CTTNBP2NL: variants seen among roughly 807,000 people sequenced by gnomAD.
The protein encoded by CTTNBP2NL is CTTNBP2 N-terminal-like protein.
CTTNBP2NL carries 16 observed loss-of-function variants against 32.5 expected under a neutral mutation model. The observed-to-expected ratio is 0.49, with a 90% CI of 0.33 to 0.75. The LOEUF (loss-of-function observed/expected upper bound fraction) is 0.75. Ranked by LOEUF, CTTNBP2NL falls within the 30% of genes least tolerant of loss-of-function variation. The probability of loss-of-function intolerance (pLI) is 0.02; values close to 1 mark genes in which losing one functional copy is unlikely to be tolerated. For missense variants in CTTNBP2NL, 645 were observed against 756.0 expected, an observed-to-expected ratio of 0.85 and a Z score of 1.72; for synonymous variants, 298 against 289.4, an observed-to-expected ratio of 1.03 and a Z score of -0.30.
At chr1:112,424,883 C>T (rs1649345905) in intron 3 of CTTNBP2NL, among the ~76,000 whole-genome samples, 1 of 151,900 alleles carries the variant, frequency 6.6e-6, no homozygotes, top group African/African-American at 2.4e-5. Context: ...GTGGCATGAT[C>T]ATGGCTCACT....
upstream of CTTNBP2NL, among the ~76,000 whole-genome samples, chr1:112,394,730 C>T (rs1013249779): frequency 1.3e-5 from 2 of 152,200 alleles, no homozygotes; most frequent in Middle Eastern, 3.2e-3. Flanking sequence ...CCATCATCCA[C>T]GCCCATTCTT....
At chr1:112,455,560 A>G (rs1358783797) in intron 5 of CTTNBP2NL, among the ~76,000 whole-genome samples, 1 of 152,262 alleles carries the variant, frequency 6.6e-6, no homozygotes, top group Non-Finnish European at 1.5e-5. Context: ...CTGAGACCCA[A>G]GAAAATTATT....
In CTTNBP2NL at chr1:112,457,138, CACCTACTCCAGGGA is replaced by C. The variant is rs761529481; in HGVS notation, c.1648_1661del (p.Pro550SerfsTer21). On this transcript the variant is annotated frameshift_variant, in exon 6 of 6. Transcript: ENST00000271277. LOFTEE classifies it high-confidence loss of function. ...AATCCAAGAGGTGACACAAGCCATT[CACCTACTCCAGGGA>C]AAGTGTCCAGTCCCCTGAGCCCCCT... 1 of 1,614,060 alleles carries C rather than the reference CACCTACTCCAGGGA, an allele frequency of 6.2e-7. No individual in the cohort carries two copies. Among genetic ancestry groups the C allele is most frequent in the Non-Finnish European group, 8.5e-7 (1 of 1,180,040 alleles).
intron 3 of CTTNBP2NL, among the ~76,000 whole-genome samples, chr1:112,434,590 A>G (rs1407826514): frequency 6.6e-6 from 1 of 152,080 alleles, no homozygotes; most frequent in African/African-American, 2.4e-5. Context: ...CATTAGTATC[A>G]AGTTGATCTT....
intron 3 of CTTNBP2NL, among the ~76,000 whole-genome samples, chr1:112,416,536 T>G (rs1039159293): frequency 5.3e-5 from 8 of 151,372 alleles, no homozygotes; most frequent in African/African-American, 1.9e-4. Flanking sequence ...TGTCACTCTG[T>G]CGCCAGGCTG....
Position 112,455,949 on chromosome 1 carries a change from C to A in CTTNBP2NL, c.457C>A (p.Gln153Lys). Reference protein sequence around the residue: ...LTQQLEFEKSQVKKFEKEQKK... With the variant: ...LTQQLEFEKSKVKKFEKEQKK... ...TTTCTAGTTGGAATTTGAAAAATCC[C>A]AAGTGAAAAAGTTTGAAAAAGAACA... The change falls in exon 6 of 6, where the codon CAA (glutamine) becomes AAA (lysine). Residue 153 changes from glutamine to lysine, a missense_variant. Transcript: ENST00000271277. The A allele has an allele frequency of 1.3e-6, 2 of 1,577,100 alleles. No homozygotes were observed. The highest frequency in any genetic ancestry group is 2.2e-5 in the East Asian group (1 of 44,542).
chr1:112,413,409 A>T (rs1027943931), intron 2 of CTTNBP2NL, among the ~76,000 whole-genome samples: 1 of 152,206 alleles, frequency 6.6e-6, no homozygotes, highest in Non-Finnish European at 1.5e-5. Flanking sequence ...GTTACTAATA[A>T]TGAAACCAGG....
chr1:112,455,418 G>A (rs566163859), intron 5 of CTTNBP2NL, among the ~76,000 whole-genome samples: 11 of 152,220 alleles, frequency 7.2e-5, no homozygotes, highest in African/African-American at 1.4e-4. Context: ...CAGGAGAATC[G>A]CTTGAACCCA....
chr1:112,431,548 CTA>C (rs1350488614), intron 3 of CTTNBP2NL, among the ~76,000 whole-genome samples: 1 of 152,100 alleles, frequency 6.6e-6, no homozygotes. Context: ...AGTAATATAA[CTA>C]TTCTACAAAA....
At chr1:112,437,156 G>A (rs576843459) in intron 3 of CTTNBP2NL, among the ~76,000 whole-genome samples, 60 of 152,272 alleles carry the variant, frequency 3.9e-4, no homozygotes, top group Non-Finnish European at 7.1e-4. Flanking sequence ...TATATATTGA[G>A]TAATGGGATT....
At chr1:112,431,308 G>A (rs1570732805) in intron 3 of CTTNBP2NL, among the ~76,000 whole-genome samples, 1 of 152,128 alleles carries the variant, frequency 6.6e-6, no homozygotes, top group East Asian at 1.9e-4. Flanking sequence ...GATTAATCAG[G>A]GGTTATTTCT....
At chr1:112,444,548 G>C (rs1185466392) in intron 3 of CTTNBP2NL, among the ~76,000 whole-genome samples, 1 of 152,110 alleles carries the variant, frequency 6.6e-6, no homozygotes, top group Non-Finnish European at 1.5e-5. Context: ...TGTCTAACCA[G>C]CCAGTTATTT....
chr1:112,440,236 T>G (rs1649858481), intron 3 of CTTNBP2NL, among the ~76,000 whole-genome samples: 2 of 152,232 alleles, frequency 1.3e-5, no homozygotes, highest in South Asian at 4.1e-4. Flanking sequence ...AGAGATGTGT[T>G]GTGTTGTTTA....
intron 1 of CTTNBP2NL, among the ~76,000 whole-genome samples, chr1:112,398,001 A>T (rs1413217487): frequency 6.6e-6 from 1 of 152,256 alleles, no homozygotes; most frequent in Non-Finnish European, 1.5e-5. Flanking sequence ...AGTACAAAGA[A>T]GAAACTGGAG....
At chr1:112,423,953 C>T (rs1479239067) in intron 3 of CTTNBP2NL, among the ~76,000 whole-genome samples, 1 of 152,140 alleles carries the variant, frequency 6.6e-6, no homozygotes, top group Admixed American at 6.5e-5. Flanking sequence ...GGACTCCTGA[C>T]CTCAGGTGAC....
upstream of CTTNBP2NL, among the ~76,000 whole-genome samples, chr1:112,391,952 C>A (rs1648194301): frequency 6.6e-6 from 1 of 151,892 alleles, no homozygotes. Context: ...GATTGGGCCG[C>A]TGCACTCCAG....
chr1:112,404,128 A>G (rs1452500869), intron 1 of CTTNBP2NL, among the ~76,000 whole-genome samples: 1 of 152,242 alleles, frequency 6.6e-6, no homozygotes, highest in African/African-American at 2.4e-5. Context: ...TGGCAGAGCC[A>G]GGATGCAAAC....
At chr1:112,430,546 C>CATTTTTTT (rs1295463918) in intron 3 of CTTNBP2NL, among the ~76,000 whole-genome samples, 1 of 80,508 alleles carries the variant, frequency 1.2e-5, no homozygotes, top group African/African-American at 5.9e-5. Flanking sequence ...CCATAGCTAG[C>CATTTTTTT]TTTTTTTTTT....
intron 3 of CTTNBP2NL, among the ~76,000 whole-genome samples, chr1:112,437,344 C>G (rs1381457587): frequency 6.6e-6 from 1 of 152,150 alleles, no homozygotes; most frequent in African/African-American, 2.4e-5. Context: ...GAGATGGTAT[C>G]TCATTGTGGT....
Sources: allele counts gnomAD v4.1 joint callset (sites outside exome capture counted in the v4.1 genomes callset), GRCh38; gene constraint gnomAD v4.1.1; transcripts MANE v1.5; gene names NCBI Gene and HGNC (gene_info 2026-07-23, HGNC 2026-07-21).